CELA2B: variants seen among roughly 807,000 people sequenced by gnomAD.
CELA2B encodes the protein chymotrypsin like elastase 2B.
CELA2B carries 27 observed loss-of-function variants against 36.5 expected under a neutral mutation model. The observed-to-expected ratio is 0.74, with a 90% CI of 0.55 to 1.02. The LOEUF is 1.02. Among genes scored for constraint, CELA2B ranks in the 50% least tolerant of loss-of-function variants. The pLI is 0.00. For synonymous variants in CELA2B, 143 were observed against 148.5 expected (o/e 0.96, Z 0.27); for missense variants, 340 against 347.8 (o/e 0.98, Z 0.18).
In CELA2B at chr1:15,476,152, T is replaced by C. The variant is rs1354282263; in HGVS notation, c.27T>C (p.Thr9=). Residue 9 remains threonine, a synonymous_variant, in exon 1 of 8, where the codon ACT becomes ACC. Coordinates refer to ENST00000375910, the MANE Select transcript of CELA2B (RefSeq NM_015849.3). MIRTLLLS[T]LVAGALSCGV... ...TGATTAGGACCCTGCTGCTGTCCAC[T>C]TTGGTGGCTGGAGGTAAGTCCTGTC... 3 of 1,614,052 alleles carry C rather than the reference T, an allele frequency of 1.9e-6. No individual in the cohort carries two copies. In the African/African-American group the frequency reaches 4.0e-5, roughly 22 times the overall value.
intron 2 of CELA2B, 58 bp from the exon 3 acceptor site, chr1:15,481,040 G>A (rs1232721348): frequency 1.9e-6 from 3 of 1,594,254 alleles, no homozygotes; most frequent in African/African-American, 2.7e-5. Flanking sequence ...TTGGGAAACT[G>A]GAGTGCAGGG....
chr1:15,477,728 C>T (rs1708689668), intron 2 of CELA2B, among the ~76,000 whole-genome samples: 1 of 152,146 alleles, frequency 6.6e-6, no homozygotes, highest in Admixed American at 6.5e-5. Flanking sequence ...TTTTAGGAAT[C>T]ATGGTATTCA....
In CELA2B at chr1:15,487,437, G is replaced by A. The variant is rs753022905; in HGVS notation, c.792G>A (p.Ser264=). 19 of 1,614,054 alleles carry A rather than the reference G, an allele frequency of 1.2e-5. No individual in the cohort carries two copies. The highest frequency in any genetic ancestry group is 8.3e-5 in the Admixed American group (5 of 60,006). The change falls in exon 7 of 8, where the codon TCG becomes TCA. Residue 264 remains serine, a splice_region_variant and synonymous_variant. Coordinates refer to ENST00000375910, the MANE Select transcript of CELA2B (RefSeq NM_015849.3). ...CCAACTACAACGACTGGATCAATTC[G>A]GTAAGAACCGGAGCAGCCCTGAGCC... ...RVSNYNDWIN[S]VIANN
intron 3 of CELA2B, 26 bp downstream of exon 3, chr1:15,481,221 G>T: frequency 6.2e-7 from 1 of 1,613,944 alleles, no homozygotes; most frequent in Non-Finnish European, 8.5e-7. Flanking sequence ...TGGGCGCTTG[G>T]CCTGCTCACC....
intron 5 of CELA2B, among the ~76,000 whole-genome samples, chr1:15,483,787 G>C (rs1036062617): frequency 4.6e-5 from 7 of 152,054 alleles, no homozygotes; most frequent in Admixed American, 3.9e-4. Context: ...AAACTCGCCA[G>C]GTGTGGTGTT....
At position 15,491,379 on chromosome 1, in the gene CELA2B, A is replaced by T; in HGVS notation, c.*67A>T. The T allele has an allele frequency of 6.4e-7, 1 of 1,569,266 alleles. No individual in the cohort carries two copies. Among genetic ancestry groups the T allele is most frequent in the Non-Finnish European group, 8.8e-7 (1 of 1,139,564 alleles). On this transcript the variant is annotated 3_prime_UTR_variant, in exon 8 of 8. Coordinates refer to ENST00000375910, the MANE Select transcript of CELA2B (RefSeq NM_015849.3). ...ACAGAAGGAAAATAATATTATATAA[A>T]GTGACAACTATGCAAATCACATCTT...
In CELA2B at chr1:15,483,267, C is replaced by A. The variant is rs199989062; in HGVS notation, c.360C>A (p.Asn120Lys). The change falls in exon 5 of 8, where the codon AAC becomes AAA. Residue 120 changes from asparagine (N) to lysine (K), a missense_variant. By Grantham distance (94) the Asn-to-Lys change is moderately conservative. Transcript: ENST00000375910. ...DWNSDQVSKGNDIALLKLANP... is the reference protein window; with the variant it reads ...DWNSDQVSKGKDIALLKLANP... ...CTCCGCCTCCGCACTCACCCAGGAA[C>A]GACATTGCCCTGCTCAAACTGGCTA... 5.6e-6 allele frequency: 9 copies of A among 1,613,614 alleles called. No individual in the cohort carries two copies. In the African/African-American group the frequency reaches 1.1e-4, roughly 19 times the overall value.
chr1:15,480,108 A>C (rs1708721355), intron 2 of CELA2B, among the ~76,000 whole-genome samples: 1 of 152,148 alleles, frequency 6.6e-6, no homozygotes, highest in Non-Finnish European at 1.5e-5. Context: ...AATGGGGAGA[A>C]GAGATGGGAG....
intron 7 of CELA2B, among the ~76,000 whole-genome samples, chr1:15,490,253 T>TATCC (rs1233385629): frequency 7.1e-6 from 1 of 141,814 alleles, no homozygotes. Flanking sequence ...TCTATCTATC[T>TATCC]ATCTATATAC....
At chr1:15,477,056 G>T (rs1402279617) in intron 2 of CELA2B, among the ~76,000 whole-genome samples, 1 of 152,162 alleles carries the variant, frequency 6.6e-6, no homozygotes, top group East Asian at 1.9e-4. Flanking sequence ...TCCTCCAGCT[G>T]CAGTAAAGAG....
Position 15,476,164 on chromosome 1 carries a change from A to G in CELA2B, c.39A>G (p.Gly13=). 1 of 1,614,092 alleles carries G rather than the reference A, an allele frequency of 6.2e-7. No homozygotes were observed. ...RTLLLSTLVA[G]ALSCGVSTYA... is the part of the protein sequence containing the mutation. ...TGCTGCTGTCCACTTTGGTGGCTGG[A>G]GGTAAGTCCTGTCACCCAGAGGCAC... The change falls in exon 1 of 8, where the codon GGA becomes GGG. Residue 13 remains glycine (G), a splice_region_variant and synonymous_variant. Coordinates refer to ENST00000375910, the MANE Select transcript of CELA2B (RefSeq NM_015849.3).
At chr1:15,486,756 G>A (rs1557526865) in intron 6 of CELA2B, among the ~76,000 whole-genome samples, 1 of 152,342 alleles carries the variant, frequency 6.6e-6, no homozygotes, top group East Asian at 1.9e-4. Context: ...AACCTTCCTG[G>A]AGACAGTGTC....
At chr1:15,489,285 A>G (rs1398312652) in intron 7 of CELA2B, among the ~76,000 whole-genome samples, 1 of 151,946 alleles carries the variant, frequency 6.6e-6, no homozygotes, top group East Asian at 1.9e-4. Flanking sequence ...AGCACAACAG[A>G]ACAGGCCAGA....
At chr1:15,485,702 T>C (rs1708795250) in intron 5 of CELA2B, among the ~76,000 whole-genome samples, 199 bp from the exon 6 acceptor site, 2 of 152,214 alleles carry the variant, frequency 1.3e-5, no homozygotes, top group Admixed American at 1.3e-4. Context: ...TAGCTTGAGT[T>C]AGGTGTTCAC....
At chr1:15,479,889 G>C (rs187894212) in intron 2 of CELA2B, among the ~76,000 whole-genome samples, 1 of 152,208 alleles carries the variant, frequency 6.6e-6, no homozygotes, top group African/African-American at 2.4e-5. Flanking sequence ...GTGCAGAACT[G>C]CATGGAAGTC....
intron 2 of CELA2B, among the ~76,000 whole-genome samples, 172 bp from the exon 3 acceptor site, chr1:15,480,926 T>C (rs1708731884): frequency 6.6e-6 from 1 of 151,762 alleles, no homozygotes; most frequent in Non-Finnish European, 1.5e-5. Flanking sequence ...ATAGATTGCA[T>C]TAAAATGTTT....
At chr1:15,491,194 C>T in intron 7 of CELA2B, 101 bp from the exon 8 acceptor site, 2 of 1,399,060 alleles carry the variant, frequency 1.4e-6, no homozygotes, top group Non-Finnish European at 2.0e-6. Context: ...GCCTGTGACT[C>T]ACTTGAGTAG....
intron 2 of CELA2B, 111 bp from the exon 3 acceptor site, chr1:15,480,987 G>A (rs1708734797): frequency 2.6e-6 from 3 of 1,147,238 alleles, no homozygotes; most frequent in East Asian, 2.4e-5. Flanking sequence ...GTGTACCTGA[G>A]GTGAGTGCCT....
chr1:15,476,410 G>C, intron 1 of CELA2B, 47 bp from the exon 2 acceptor site: 1 of 1,576,842 alleles, frequency 6.3e-7, no homozygotes, highest in Non-Finnish European at 8.7e-7. Flanking sequence ...AGTTTACATT[G>C]TGTGGGTCGC....
Sources: gnomAD v4.1 joint callset for allele counts (sites outside exome capture counted in the v4.1 genomes callset) on GRCh38, gnomAD v4.1.1 for gene constraint, MANE v1.5 for transcripts, NCBI Gene and HGNC (gene_info 2026-07-23, HGNC 2026-07-21) for gene names.